MACROD2: variants seen among roughly 807,000 people sequenced by gnomAD.
The protein encoded by MACROD2 is mono-ADP ribosylhydrolase 2.
Under a neutral mutation model 70.4 loss-of-function variants are expected in MACROD2, and 36 were observed. That is an observed-to-expected ratio of 0.51 (90% CI 0.39 to 0.68). The LOEUF (loss-of-function observed/expected upper bound fraction) is 0.68, where lower values mean the gene tolerates loss of function less well. Ranked by LOEUF, MACROD2 falls within the 30% of genes least tolerant of loss-of-function variation. The probability of loss-of-function intolerance (pLI) is 0.00; values close to 1 mark genes in which losing one functional copy is unlikely to be tolerated. For missense variants in MACROD2, 496 were observed against 538.4 expected (o/e 0.92, Z 0.78); for synonymous variants, 172 against 178.8 (o/e 0.96, Z 0.30).
intron 8 of MACROD2, among the ~76,000 whole-genome samples, chr20:15,509,418 C>T (rs1015940719): frequency 1.5e-4 from 23 of 152,140 alleles, no homozygotes; most frequent in Non-Finnish European, 2.8e-4. Flanking sequence ...CTTCAGGGTG[C>T]AGGTATTAAA....
At chr20:15,528,781 G>A (rs1238685437) in intron 8 of MACROD2, among the ~76,000 whole-genome samples, 1 of 150,726 alleles carries the variant, frequency 6.6e-6, no homozygotes, top group African/African-American at 2.4e-5. Context: ...TTTTGAAGAA[G>A]AAGAAGCAAA....
chr20:15,753,077 A>AT (rs527846433), intron 8 of MACROD2, among the ~76,000 whole-genome samples: 192 of 81,240 alleles, frequency 2.4e-3, no homozygotes, highest in African/African-American at 8.0e-3. Context: ...TCTTAAGGCA[A>AT]TTTTTTCTGG....
chr20:14,161,986 T>C (rs765656306), intron 3 of MACROD2, among the ~76,000 whole-genome samples: 4 of 152,212 alleles, frequency 2.6e-5, no homozygotes, highest in Non-Finnish European at 4.4e-5. Flanking sequence ...GATGATAAAC[T>C]CTTTCTACCT....
chr20:14,578,612 A>G (rs571786977), intron 4 of MACROD2, among the ~76,000 whole-genome samples: 1 of 152,318 alleles, frequency 6.6e-6, no homozygotes, highest in Admixed American at 6.5e-5. Flanking sequence ...ACCTAATTAC[A>G]TAAGTCTTTG....
intron 8 of MACROD2, among the ~76,000 whole-genome samples, chr20:15,645,477 C>A (rs2049526906): frequency 6.6e-6 from 1 of 152,168 alleles, no homozygotes; most frequent in African/African-American, 2.4e-5. Context: ...GTTTTCTCTG[C>A]AAATCCTTTT....
chr20:14,545,497 C>T (rs1386538167), intron 4 of MACROD2, among the ~76,000 whole-genome samples: 1 of 152,138 alleles, frequency 6.6e-6, no homozygotes, highest in Non-Finnish European at 1.5e-5. Flanking sequence ...AGATTTTTTA[C>T]CATCTTCCAG....
At chr20:14,305,782 C>G (rs898316394) in intron 3 of MACROD2, among the ~76,000 whole-genome samples, 11 of 151,968 alleles carry the variant, frequency 7.2e-5, no homozygotes, top group African/African-American at 2.7e-4. Context: ...GCCCATGTAT[C>G]TTTTTTCGTA....
intron 5 of MACROD2, among the ~76,000 whole-genome samples, chr20:15,194,184 T>C (rs1435742588): frequency 7.9e-6 from 1 of 126,460 alleles, no homozygotes; most frequent in African/African-American, 3.0e-5. Context: ...AGGCAGAGGT[T>C]ACAGTGAGCT....
intron 15 of MACROD2, among the ~76,000 whole-genome samples, chr20:16,034,204 C>T (rs1183139439): frequency 2.6e-5 from 4 of 152,008 alleles, no homozygotes; most frequent in African/African-American, 4.8e-5. Context: ...GTTGGAACCA[C>T]ATGATGATTA....
intron 4 of MACROD2, among the ~76,000 whole-genome samples, chr20:14,501,835 A>T (rs893541383): frequency 6.6e-6 from 1 of 152,168 alleles, no homozygotes; most frequent in Non-Finnish European, 1.5e-5. Context: ...TGGGCTAGCT[A>T]AATGATACCT....
At chr20:15,270,567 A>G (rs1380521968) in intron 6 of MACROD2, among the ~76,000 whole-genome samples, 2 of 152,164 alleles carry the variant, frequency 1.3e-5, no homozygotes, top group Admixed American at 6.5e-5. Flanking sequence ...AATTCATAAA[A>G]CTGTACAACA....
intron 3 of MACROD2, among the ~76,000 whole-genome samples, chr20:14,266,956 C>T (rs1384580098): frequency 6.6e-6 from 1 of 152,052 alleles, no homozygotes; most frequent in African/African-American, 2.4e-5. Context: ...AAAATAAACT[C>T]AGTTGGAAGT....
At chr20:14,136,229 A>G (rs2148702855) in intron 3 of MACROD2, among the ~76,000 whole-genome samples, 1 of 152,318 alleles carries the variant, frequency 6.6e-6, no homozygotes, top group Non-Finnish European at 1.5e-5. Context: ...TTTTATTAAA[A>G]AAAACAACTC....
At chr20:15,853,430 C>G (rs1195520810) in intron 8 of MACROD2, among the ~76,000 whole-genome samples, 1 of 152,074 alleles carries the variant, frequency 6.6e-6, no homozygotes, top group Non-Finnish European at 1.5e-5. Flanking sequence ...TAATTAAGGT[C>G]TCAAATCTTA....
chr20:15,858,150 T>C (rs2064378707), intron 8 of MACROD2, among the ~76,000 whole-genome samples: 1 of 152,116 alleles, frequency 6.6e-6, no homozygotes. Context: ...CCTGGACTCA[T>C]GTTTTCTATA....
chr20:14,546,073 A>G (rs1349094775), intron 4 of MACROD2, among the ~76,000 whole-genome samples: 44 of 152,228 alleles, frequency 2.9e-4, no homozygotes, highest in Non-Finnish European at 1.0e-4. Flanking sequence ...GTAATAATAC[A>G]TTAGCTATAA....
intron 5 of MACROD2, among the ~76,000 whole-genome samples, chr20:14,734,150 T>G (rs1465884889): frequency 6.6e-6 from 1 of 152,072 alleles, no homozygotes; most frequent in African/African-American, 2.4e-5. Context: ...TCCCCACCCT[T>G]TTTTTCAGCC....
At chr20:15,633,172 C>T (rs1375353811) in intron 8 of MACROD2, among the ~76,000 whole-genome samples, 9 of 151,994 alleles carry the variant, frequency 5.9e-5, no homozygotes, top group Non-Finnish European at 8.8e-5. Flanking sequence ...GTAATTTATT[C>T]TTTTCTCATT....
chr20:15,493,238 G>C (rs1283154928), intron 7 of MACROD2, among the ~76,000 whole-genome samples: 1 of 152,212 alleles, frequency 6.6e-6, no homozygotes, highest in Non-Finnish European at 1.5e-5. Context: ...CCTGGCAACA[G>C]ATCTAGAAGG....
Sources: gnomAD v4.1 joint callset for allele counts (sites outside exome capture counted in the v4.1 genomes callset) on GRCh38, gnomAD v4.1.1 for gene constraint, MANE v1.5 for transcripts, NCBI Gene and HGNC (gene_info 2026-07-23, HGNC 2026-07-21) for gene names.